The following SGCZ variants were observed in gnomAD, a reference collection of about 807,000 sequenced individuals.
SGCZ encodes zeta-sarcoglycan.
SGCZ carries 40 observed loss-of-function variants against 41.3 expected under a neutral mutation model. The observed-to-expected ratio is 0.97, with a 90% CI of 0.75 to 1.26. The LOEUF is 1.26. Ranked by LOEUF, SGCZ falls within the 50% of genes most tolerant of loss-of-function variation. SGCZ has a pLI of 0.00. For synonymous variants in SGCZ, 206 were observed against 137.5 expected (o/e 1.50, Z -3.49); for missense variants, 552 against 369.8 (o/e 1.49, Z -4.04).
At chr8:14,140,168 A>G (rs1803323370) in intron 5 of SGCZ, among the ~76,000 whole-genome samples, 1 of 152,256 alleles carries the variant, frequency 6.6e-6, no homozygotes, top group African/African-American at 2.4e-5. Context: ...GATGGAACGT[A>G]TCTCAAAATA....
Position 14,103,933 on chromosome 8 carries a change from G to A in SGCZ, c.621-1434C>T, listed in dbSNP as rs113754657. ...ATGTTAAAATGTATTTTTTATCACT[G>A]ATTTTCCCTGATACACAACCCTTCT... On this transcript the variant is annotated intron_variant, in intron 6 of 7. Transcript: ENST00000382080. 6.6e-3 allele frequency among the ~76,000 whole-genome samples: 1,002 copies of A among 152,134 alleles called. 11 individuals are homozygous for A. The highest frequency in any genetic ancestry group is 0.022 in the African/African-American group (919 of 41,500).
At chr8:14,123,251 A>G (rs551145811) in intron 5 of SGCZ, among the ~76,000 whole-genome samples, 1 of 152,338 alleles carries the variant, frequency 6.6e-6, no homozygotes, top group Non-Finnish European at 1.5e-5. Context: ...CTTGTCTTAA[A>G]GACCGAAAAT....
intron 1 of SGCZ, among the ~76,000 whole-genome samples, chr8:15,073,943 C>A (rs1194016880): frequency 6.6e-6 from 1 of 152,166 alleles, no homozygotes; most frequent in Non-Finnish European, 1.5e-5. Flanking sequence ...CATAGGCCAA[C>A]CTAACTATGG....
intron 3 of SGCZ, among the ~76,000 whole-genome samples, chr8:14,255,044 G>C (rs576602017): frequency 6.6e-6 from 1 of 152,066 alleles, no homozygotes; most frequent in Non-Finnish European, 1.5e-5. Context: ...CATGGAGGTG[G>C]GTGGATGTCC....
intron 1 of SGCZ, among the ~76,000 whole-genome samples, chr8:15,077,736 C>A (rs1805591499): frequency 6.6e-6 from 1 of 152,122 alleles, no homozygotes; most frequent in Non-Finnish European, 1.5e-5. Context: ...ACCTGCACAC[C>A]AAAATTTAGA....
chr8:14,260,749 A>G (rs995330721), intron 3 of SGCZ, among the ~76,000 whole-genome samples: 29 of 152,236 alleles, frequency 1.9e-4, no homozygotes, highest in African/African-American at 7.0e-4. Context: ...CATATACACC[A>G]TGGAATACTA....
chr8:14,665,725 G>GA (rs1807889560), intron 1 of SGCZ, among the ~76,000 whole-genome samples: 1 of 152,002 alleles, frequency 6.6e-6, no homozygotes, highest in African/African-American at 2.4e-5. Context: ...AACCAACCAA[G>GA]AAAAAAGAAG....
At chr8:14,247,671 T>C (rs537206896) in intron 3 of SGCZ, among the ~76,000 whole-genome samples, 1 of 152,346 alleles carries the variant, frequency 6.6e-6, no homozygotes, top group Admixed American at 6.5e-5. Flanking sequence ...ATCCTCCTCT[T>C]AGCACTTCTA....
chr8:14,546,384 A>G (rs1178849361), intron 2 of SGCZ, among the ~76,000 whole-genome samples: 1 of 152,202 alleles, frequency 6.6e-6, no homozygotes, highest in Non-Finnish European at 1.5e-5. Flanking sequence ...ATCGTGGACA[A>G]TGAGTTACTA....
At chr8:14,372,688 C>A (rs185834665) in intron 2 of SGCZ, among the ~76,000 whole-genome samples, 7 of 152,106 alleles carry the variant, frequency 4.6e-5, no homozygotes, top group Admixed American at 3.9e-4. Context: ...TTGGAGATAT[C>A]TGGAGAAAAC....
At chr8:14,853,391 G>C in intron 1 of SGCZ, 1 of 516,106 alleles carries the variant, frequency 1.9e-6, no homozygotes, top group Non-Finnish European at 4.0e-6. Context: ...TGGGACCTAC[G>C]CTGGATGGAT....
At chr8:14,513,804 T>G (rs1490912344) in intron 2 of SGCZ, among the ~76,000 whole-genome samples, 1 of 152,104 alleles carries the variant, frequency 6.6e-6, no homozygotes, top group Non-Finnish European at 1.5e-5. Context: ...TATCGAAATG[T>G]ATTTGAATCT....
intron 1 of SGCZ, among the ~76,000 whole-genome samples, chr8:14,871,805 A>C (rs907656460): frequency 6.6e-6 from 1 of 150,670 alleles, no homozygotes; most frequent in African/African-American, 2.5e-5. Flanking sequence ...TCTGTCTCAA[A>C]AATGTATAAT....
chr8:14,301,372 C>CA (rs398112237), intron 3 of SGCZ, among the ~76,000 whole-genome samples: 39,699 of 149,426 alleles, frequency 0.27, 6,639 homozygotes, highest in Non-Finnish European at 0.38. Context: ...ATTCAAATCA[C>CA]AAAAAAAAAC....
At chr8:14,394,122 C>A (rs1466867134) in intron 2 of SGCZ, among the ~76,000 whole-genome samples, 1 of 149,732 alleles carries the variant, frequency 6.7e-6, no homozygotes, top group African/African-American at 2.5e-5. Flanking sequence ...CTACTTCATG[C>A]ACTGCCCTAC....
At chr8:14,843,571 T>C (rs1802998390) in intron 1 of SGCZ, among the ~76,000 whole-genome samples, 1 of 152,176 alleles carries the variant, frequency 6.6e-6, no homozygotes. Context: ...TCAATTATTT[T>C]ATTTACAATA....
chr8:14,362,457 G>A (rs1376486469), intron 2 of SGCZ, among the ~76,000 whole-genome samples: 2 of 152,198 alleles, frequency 1.3e-5, no homozygotes, highest in Non-Finnish European at 1.5e-5. Context: ...TCAGACTGCT[G>A]CACTAGCAGC....
intron 1 of SGCZ, 111 bp downstream of exon 1, chr8:15,237,474 G>A: frequency 2.3e-6 from 3 of 1,325,360 alleles, no homozygotes; most frequent in East Asian, 2.5e-5. Context: ...CCCCCTCGTC[G>A]TCCCGCGGGA....
rs1283643218 is a variant in SGCZ, at chr8:14,209,318, C to T, written c.424+28274G>A. 2.6e-5 allele frequency among the ~76,000 whole-genome samples: 4 copies of T among 152,024 alleles called. No individual in the cohort carries two copies. The South Asian group carries it at 6.2e-4, about 24-fold the overall frequency. On this transcript the variant is annotated intron_variant, in intron 4 of 7. Coordinates refer to ENST00000382080, the MANE Select transcript of SGCZ (RefSeq NM_139167.4). The stretch of plus-strand genomic sequence containing the variant: ...TTATTCAGAAGCCCCTCTCTCTCAC[C>T]AGGGAGAGAGCTGTTCTGCTTTCTC...
Sources: allele counts gnomAD v4.1 joint callset (sites outside exome capture counted in the v4.1 genomes callset), GRCh38; gene constraint gnomAD v4.1.1; transcripts MANE v1.5; gene names NCBI Gene and HGNC (gene_info 2026-07-23, HGNC 2026-07-21).